NRXN1: variants seen among roughly 807,000 people sequenced by gnomAD.
NRXN1 encodes neurexin-1.
In NRXN1, 39 loss-of-function variants were observed where a neutral mutation model predicts 150.9. The observed-to-expected ratio is 0.26, with a 90% confidence interval of 0.20 to 0.34. The LOEUF (loss-of-function observed/expected upper bound fraction) is 0.34. NRXN1 is among the 10% of genes least tolerant of loss of function. NRXN1 has a pLI of 1.00. For missense variants in NRXN1, 1,815 were observed against 1,949.9 expected, an observed-to-expected ratio of 0.93 and a Z score of 1.30; for synonymous variants, 924 against 757.0, an observed-to-expected ratio of 1.22 and a Z score of -3.62.
intron 17 of NRXN1, among the ~76,000 whole-genome samples, chr2:50,411,621 G>A (rs1286236717): frequency 6.6e-6 from 1 of 151,962 alleles, no homozygotes; most frequent in African/African-American, 2.4e-5. Context: ...GGGAGGTGAG[G>A]AGCGTCTCTG....
intron 2 of NRXN1, among the ~76,000 whole-genome samples, chr2:50,992,143 A>C (rs981835703): frequency 6.6e-6 from 1 of 152,018 alleles, no homozygotes; most frequent in Non-Finnish European, 1.5e-5. Context: ...TTCTATTCAT[A>C]AAGGTCTCCT....
In NRXN1 at chr2:50,497,318, C is replaced by A; in HGVS notation, c.2879+15G>T. 6.9e-7 allele frequency: 1 copy of A among 1,442,548 alleles called. No homozygotes were observed. Among genetic ancestry groups the A allele is most frequent in the South Asian group, 1.7e-5 (1 of 57,452 alleles). 89.4% of individuals were successfully genotyped at this position (1,442,548 alleles called of 1,614,324 possible). On this transcript the variant is annotated intron_variant, in intron 14 of 22. Transcript: ENST00000401669. ...AAAGTTTTATTTATTTGCTATTGAA[C>A]AGGCATGTACTCACCCTTTAACTAA...
At chr2:49,980,156 T>C (rs1188899585) in intron 21 of NRXN1, among the ~76,000 whole-genome samples, 1 of 152,168 alleles carries the variant, frequency 6.6e-6, no homozygotes, top group Non-Finnish European at 1.5e-5. Context: ...ACATTTTGAA[T>C]GTTCTCTCCA....
chr2:49,931,532 A>G (rs1326130558), intron 22 of NRXN1, among the ~76,000 whole-genome samples: 1 of 151,936 alleles, frequency 6.6e-6, no homozygotes, highest in Non-Finnish European at 1.5e-5. Context: ...TTTTCAATTC[A>G]GAGTAGTTGT....
At chr2:50,451,874 G>A (rs1050758290) in intron 17 of NRXN1, among the ~76,000 whole-genome samples, 3 of 152,104 alleles carry the variant, frequency 2.0e-5, no homozygotes, top group Non-Finnish European at 4.4e-5. Context: ...CTAGTTTATT[G>A]CTGATGTTTA....
chr2:50,468,522 T>C (rs1303238441), intron 16 of NRXN1, among the ~76,000 whole-genome samples: 3 of 151,642 alleles, frequency 2.0e-5, no homozygotes, highest in South Asian at 2.1e-4. Context: ...ATATTATCTT[T>C]ATTTTATCAC....
At chr2:50,161,026 T>C (rs774422316) in intron 18 of NRXN1, among the ~76,000 whole-genome samples, 4 of 152,166 alleles carry the variant, frequency 2.6e-5, no homozygotes, top group Non-Finnish European at 5.9e-5. Flanking sequence ...ATCTCCACTG[T>C]AACAGCATTT....
intron 21 of NRXN1, among the ~76,000 whole-genome samples, chr2:50,029,648 A>G (rs1267420708): frequency 6.6e-6 from 1 of 152,166 alleles, no homozygotes; most frequent in East Asian, 1.9e-4. Flanking sequence ...AACCTACTTT[A>G]CTGGCATCTT....
chr2:51,010,531 T>G (rs1667677163), intron 2 of NRXN1, among the ~76,000 whole-genome samples: 1 of 152,052 alleles, frequency 6.6e-6, no homozygotes, highest in Admixed American at 6.6e-5. Context: ...CTCCATTTAC[T>G]TGTTTTCACT....
chr2:50,163,948 T>A (rs1436435786), intron 18 of NRXN1, among the ~76,000 whole-genome samples: 1 of 152,174 alleles, frequency 6.6e-6, no homozygotes. Flanking sequence ...AAATCATTAC[T>A]TGCTTCTTTG....
At chr2:49,977,282 C>T (rs1023890757) in intron 21 of NRXN1, among the ~76,000 whole-genome samples, 23 of 144,770 alleles carry the variant, frequency 1.6e-4, no homozygotes, top group African/African-American at 5.4e-4. Context: ...CTCCATCCCA[C>T]CCCCCAGGGA....
intron 21 of NRXN1, among the ~76,000 whole-genome samples, chr2:50,001,728 T>C (rs1489679185): frequency 6.6e-6 from 1 of 152,106 alleles, no homozygotes; most frequent in Non-Finnish European, 1.5e-5. Context: ...TACATATATA[T>C]GTTTTAGAGC....
chr2:50,508,392 T>C (rs2092326717), intron 12 of NRXN1, among the ~76,000 whole-genome samples: 1 of 148,150 alleles, frequency 6.7e-6, no homozygotes, highest in Admixed American at 6.9e-5. Flanking sequence ...TGAGATCAAA[T>C]GTTGAAAGCA....
chr2:50,892,627 C>T (rs1681243589), intron 5 of NRXN1, among the ~76,000 whole-genome samples: 1 of 152,108 alleles, frequency 6.6e-6, no homozygotes, highest in African/African-American at 2.4e-5. Flanking sequence ...ACATGGAATT[C>T]TTAAACCATT....
rs1011562280 is a variant in NRXN1, at chr2:50,998,269, T to C, written c.772+29233A>G. Among the ~76,000 whole-genome samples, 11 of 141,600 alleles carry C rather than the reference T, an allele frequency of 7.8e-5. 1 individual carries two copies. The highest frequency in any genetic ancestry group is 1.6e-4 in the Non-Finnish European group (11 of 66,962). The allele number at this position is 141,600 out of a possible 152,430, so 92.9% of individuals were successfully genotyped here. On this transcript the variant is annotated intron_variant, in intron 2 of 22. Coordinates refer to ENST00000401669, the MANE Select transcript of NRXN1 (RefSeq NM_001330078.2). ...AAAAATTACTCACAAAACACATGCATACAGAATATAGTAATATCACATATT... is the reference window on the plus strand; with the variant it reads ...AAAAATTACTCACAAAACACATGCACACAGAATATAGTAATATCACATATT...
intron 18 of NRXN1, among the ~76,000 whole-genome samples, chr2:50,227,429 C>T (rs1486944565): frequency 6.6e-6 from 1 of 152,000 alleles, no homozygotes; most frequent in African/African-American, 2.4e-5. Flanking sequence ...TGGAAACACA[C>T]CCTTGCAGAG....
chr2:50,432,312 T>G (rs2104380621), intron 17 of NRXN1: 1 of 152,328 alleles, frequency 6.6e-6, no homozygotes, highest in South Asian at 2.1e-4. Context: ...CTTTATTCTC[T>G]TCTGCCTTCC....
At chr2:50,575,353 G>A (rs930111222) in intron 8 of NRXN1, among the ~76,000 whole-genome samples, 1 of 152,146 alleles carries the variant, frequency 6.6e-6, no homozygotes, top group African/African-American at 2.4e-5. Flanking sequence ...CTGGTGCTGG[G>A]CTGCATCTTC....
intron 2 of NRXN1, among the ~76,000 whole-genome samples, chr2:50,938,838 C>T (rs993756576): frequency 9.9e-5 from 15 of 152,236 alleles, no homozygotes; most frequent in Non-Finnish European, 1.8e-4. Flanking sequence ...GGAGTTTTAG[C>T]AAACTTTTAA....
Sources: allele counts gnomAD v4.1 joint callset (sites outside exome capture counted in the v4.1 genomes callset), GRCh38; gene constraint gnomAD v4.1.1; transcripts MANE v1.5; gene names NCBI Gene and HGNC (gene_info 2026-07-23, HGNC 2026-07-21).